The following VPS13D variants were observed in gnomAD, a reference collection of about 807,000 sequenced individuals.
VPS13D encodes the protein vacuolar protein sorting 13 homolog D.
VPS13D carries 187 observed loss-of-function variants against 461.9 expected under a neutral mutation model. The observed-to-expected ratio is 0.40, with a 90% CI of 0.36 to 0.46. VPS13D has a LOEUF of 0.46. VPS13D is among the 20% of genes least tolerant of loss of function. VPS13D has a pLI of 0.60. For synonymous variants in VPS13D, 1,951 were observed against 1,986.3 expected (o/e 0.98, Z 0.47); for missense variants, 4,711 against 5,364.9 (o/e 0.88, Z 3.81).
At chr1:12,392,969 G>A (rs968128198) in intron 60 of VPS13D, among the ~76,000 whole-genome samples, 2 of 152,168 alleles carry the variant, frequency 1.3e-5, no homozygotes, top group African/African-American at 4.8e-5. Context: ...TGAGGAATGT[G>A]TTGCCTCCAA....
intron 60 of VPS13D, among the ~76,000 whole-genome samples, chr1:12,399,047 C>T (rs1452835568): frequency 6.6e-6 from 1 of 152,140 alleles, no homozygotes; most frequent in Non-Finnish European, 1.5e-5. Context: ...TAACCACCAG[C>T]GTTACAGGTA....
intron 53 of VPS13D, among the ~76,000 whole-genome samples, chr1:12,368,897 A>G (rs1424748014): frequency 6.6e-6 from 1 of 152,196 alleles, no homozygotes; most frequent in East Asian, 1.9e-4. Context: ...CAAACAGAGG[A>G]AGACATCGGC....
intron 67 of VPS13D, among the ~76,000 whole-genome samples, chr1:12,477,690 A>G (rs550033820): frequency 6.6e-6 from 1 of 152,324 alleles, no homozygotes; most frequent in Non-Finnish European, 1.5e-5. Flanking sequence ...ATTTGATTCC[A>G]TAAGACTAAA....
chr1:12,280,942 T>G (rs1157209701), intron 20 of VPS13D, among the ~76,000 whole-genome samples: 1 of 152,076 alleles, frequency 6.6e-6, no homozygotes, highest in Non-Finnish European at 1.5e-5. Flanking sequence ...AATAATTTAA[T>G]TTTTTAAAAA....
At chr1:12,289,759 G>A (rs970684189) in intron 22 of VPS13D, among the ~76,000 whole-genome samples, 1 of 151,918 alleles carries the variant, frequency 6.6e-6, no homozygotes, top group African/African-American at 2.4e-5. Context: ...AACATAGTGA[G>A]ACCTCATCTC....
intron 67 of VPS13D, chr1:12,497,276 C>G (rs1021037549): frequency 2.7e-6 from 1 of 372,022 alleles, no homozygotes; most frequent in East Asian, 5.7e-5. Context: ...ACCAACTTAT[C>G]CATGATCACA....
chr1:12,267,993 G>A lies in VPS13D; in HGVS notation c.1801+73G>A, dbSNP rs563103302. On this transcript the variant is annotated intron_variant, in intron 15 of 69. Coordinates refer to ENST00000620676, the MANE Select transcript of VPS13D (RefSeq NM_015378.4). ...TAATTTTTCTTTGAGACAGGGCCTC[G>A]CTCTGTCACCCAGGCTGGAGTGCAG... 5.0e-5 allele frequency: 66 copies of A among 1,308,484 alleles called. No individual in the cohort carries two copies. In the South Asian group the frequency reaches 7.1e-4, roughly 14 times the overall value. 81.1% of individuals were successfully genotyped at this position (1,308,484 alleles called of 1,614,324 possible).
chr1:12,325,408 C>G (rs942701077), intron 35 of VPS13D, among the ~76,000 whole-genome samples: 1 of 152,074 alleles, frequency 6.6e-6, no homozygotes, highest in Non-Finnish European at 1.5e-5. Flanking sequence ...TACAGGTGCC[C>G]GCCACCATGC....
In VPS13D at chr1:12,323,780, G is replaced by A. The variant is rs1643106636; in HGVS notation, c.7990G>A (p.Gly2664Ser). Residue 2664 changes from glycine to serine, a missense_variant and splice_region_variant, in exon 35 of 70, where the codon GGC becomes AGC. Gly to Ser is a moderately conservative substitution (Grantham distance 56). Transcript: ENST00000620676. Reference sequence around the variant, plus strand: ...TCGCAAAGCTCTTTTGGCGTGTCAAGGTAATTTGAACAGGGTTCTGTTACC... The same window carrying A: ...TCGCAAAGCTCTTTTGGCGTGTCAAAGTAATTTGAACAGGGTTCTGTTACC... The part of the protein sequence containing the change: ...DCRKALLACQ[G>S]QLKKAASWLF... 1 of 1,613,902 alleles carries A rather than the reference G, an allele frequency of 6.2e-7. No individual in the cohort carries two copies. Among genetic ancestry groups the A allele is most frequent in the African/African-American group, 1.3e-5 (1 of 74,910 alleles).
At chr1:12,433,269 A>C (rs574424921) in intron 65 of VPS13D, among the ~76,000 whole-genome samples, 9 of 150,650 alleles carry the variant, frequency 6.0e-5, no homozygotes, top group Admixed American at 1.3e-4. Flanking sequence ...AAAAAAAAAA[A>C]ACAAAAAAAC....
chr1:12,272,445 T>C lies in VPS13D; in HGVS notation c.2104-558T>C, dbSNP rs1641476216. 4.7e-5 allele frequency among the ~76,000 whole-genome samples: 7 copies of C among 150,350 alleles called. No homozygotes were observed. In the South Asian group the frequency reaches 1.5e-3, roughly 32 times the overall value. On this transcript the variant is annotated intron_variant, in intron 17 of 69. Transcript: ENST00000620676. ...TGTGTGTGTGTTTCTACATAAAGTATGACAATTAGTATTCTTGTAAACAAA... is the reference window on the plus strand; with the variant it reads ...TGTGTGTGTGTTTCTACATAAAGTACGACAATTAGTATTCTTGTAAACAAA...
chr1:12,325,729 G>C (rs942796186), intron 35 of VPS13D, among the ~76,000 whole-genome samples: 2 of 152,090 alleles, frequency 1.3e-5, no homozygotes. Flanking sequence ...TATATCAGCA[G>C]CATCTTCCCA....
chr1:12,465,093 A>G (rs1405394577), intron 67 of VPS13D: 1 of 152,232 alleles, frequency 6.6e-6, no homozygotes, highest in Non-Finnish European at 1.5e-5. Context: ...TTGAAAAGAT[A>G]CTTAGTAGAA....
chr1:12,467,166 G>T (rs146387213), intron 67 of VPS13D, among the ~76,000 whole-genome samples: 1 of 151,872 alleles, frequency 6.6e-6, no homozygotes, highest in Non-Finnish European at 1.5e-5. Flanking sequence ...TTATAGGATC[G>T]GATATTTTAT....
At chr1:12,460,164 C>T (rs201492874) in intron 66 of VPS13D, 37 bp from the exon 67 acceptor site, 5 of 1,496,416 alleles carry the variant, frequency 3.3e-6, no homozygotes, top group Non-Finnish European at 4.5e-6. Flanking sequence ...TGCTTTTGTC[C>T]TCGTCAGGTT....
chr1:12,509,172 A>G lies in VPS13D; in HGVS notation c.*148A>G. 1.1e-6 allele frequency: 1 copy of G among 934,682 alleles called. No individual in the cohort carries two copies. The highest frequency in any genetic ancestry group is 2.7e-5 in the East Asian group (1 of 37,086). 57.9% of individuals were successfully genotyped at this position (934,682 alleles called of 1,614,324 possible). A position where few individuals can be genotyped will look rare whatever the true frequency, so the allele number is the denominator to read the frequency against. Reference sequence around the variant, plus strand: ...GAGGGAAAGTAAATCCTCATGAGGAAAAGTACAAATGGAAATCGTATTAAT... The same window carrying G: ...GAGGGAAAGTAAATCCTCATGAGGAGAAGTACAAATGGAAATCGTATTAAT... On this transcript the variant is annotated 3_prime_UTR_variant, in exon 70 of 70. Transcript: ENST00000620676.
chr1:12,451,319 A>G (rs1327572075), intron 65 of VPS13D, among the ~76,000 whole-genome samples: 1 of 152,186 alleles, frequency 6.6e-6, no homozygotes, highest in Non-Finnish European at 1.5e-5. Flanking sequence ...ATCTTGAAGT[A>G]CTTCTGAGAT....
chr1:12,268,895 T>A lies in VPS13D; in HGVS notation c.1972+19T>A, dbSNP rs1482588697. 1.9e-6 allele frequency: 3 copies of A among 1,601,854 alleles called. No individual in the cohort carries two copies. The highest frequency in any genetic ancestry group is 1.7e-6 in the Non-Finnish European group (2 of 1,176,100). ...ACCTCAGGTTAACTTTTTTGTTTGT[T>A]TGATCTTATGTTCCTTTTGAAAAAC... On this transcript the variant is annotated intron_variant, in intron 16 of 69. Coordinates refer to ENST00000620676, the MANE Select transcript of VPS13D (RefSeq NM_015378.4).
chr1:12,340,115 T>G (rs760801104), intron 40 of VPS13D, among the ~76,000 whole-genome samples: 2 of 152,146 alleles, frequency 1.3e-5, no homozygotes, highest in Admixed American at 6.5e-5. Context: ...GCTCTTAAAT[T>G]TTTTACTCCC....
Sources: allele counts gnomAD v4.1 joint callset (sites outside exome capture counted in the v4.1 genomes callset), GRCh38; gene constraint gnomAD v4.1.1; transcripts MANE v1.5; gene names NCBI Gene and HGNC (gene_info 2026-07-23, HGNC 2026-07-21).